Variants in RERE observed in about 807,000 individuals in gnomAD.
RERE encodes the protein arginine-glutamic acid dipeptide repeats protein.
Under a neutral mutation model 146.1 loss-of-function variants are expected in RERE, and 40 were observed. The observed-to-expected ratio is 0.27, with a 90% CI of 0.21 to 0.36. The LOEUF (loss-of-function observed/expected upper bound fraction) is 0.36. Among genes scored for constraint, RERE ranks in the 10% least tolerant of loss-of-function variants. The pLI is 1.00. For synonymous variants in RERE, 1,003 were observed against 866.0 expected (o/e 1.16, Z -2.78); for missense variants, 1,933 against 2,138.7 (o/e 0.90, Z 1.90).
intron 1 of RERE, among the ~76,000 whole-genome samples, chr1:8,700,635 G>A (rs532841128): frequency 1.2e-4 from 18 of 152,164 alleles, no homozygotes; most frequent in Non-Finnish European, 2.4e-4. Flanking sequence ...ACAATGTAAC[G>A]AGAGGTAAGA....
intron 10 of RERE, among the ~76,000 whole-genome samples, chr1:8,485,145 T>C (rs1644881915): frequency 6.6e-6 from 1 of 152,148 alleles, no homozygotes; most frequent in African/African-American, 2.4e-5. Context: ...GCAGATCACC[T>C]GATGTAGGGA....
chr1:8,627,680 G>A (rs1469287362), intron 2 of RERE, among the ~76,000 whole-genome samples: 1 of 151,200 alleles, frequency 6.6e-6, no homozygotes, highest in Non-Finnish European at 1.5e-5. Context: ...ACAAAGAAAA[G>A]CTTTATTTAT....
At chr1:8,651,949 G>A (rs1433238890) in intron 2 of RERE, among the ~76,000 whole-genome samples, 1 of 152,048 alleles carries the variant, frequency 6.6e-6, no homozygotes. Context: ...TCAAAGTGCT[G>A]GGATTACAGG....
intron 4 of RERE, among the ~76,000 whole-genome samples, chr1:8,596,129 G>A (rs968407811): frequency 2.0e-5 from 3 of 152,226 alleles, no homozygotes; most frequent in African/African-American, 7.2e-5. Context: ...GCTAAGTTGA[G>A]TAGTTGCCAT....
chr1:8,680,363 G>C (rs1423731915), intron 1 of RERE, among the ~76,000 whole-genome samples: 1 of 152,156 alleles, frequency 6.6e-6, no homozygotes, highest in African/African-American at 2.4e-5. Context: ...GCCAAAATGT[G>C]GGCAACTATT....
rs776221920 is a variant in RERE at position 8,541,327 on chromosome 1, AAG to A, written c.726-11_726-10del. The stretch of plus-strand genomic sequence containing the variant: ...AGATGTTACACTTCCCTCTGGGAAA[AAG>A]AGAAAAAAATAATTAGTAATACCCT... On this transcript the variant is annotated splice_polypyrimidine_tract_variant and intron_variant, in intron 6 of 22. Coordinates refer to ENST00000400908, the MANE Select transcript of RERE (RefSeq NM_001042681.2). The A allele has an allele frequency of 1.0e-5, 16 of 1,561,872 alleles. No individual in the cohort carries two copies. The Admixed American group carries it at 1.2e-4, about 12-fold the overall frequency.
At chr1:8,798,883 G>A (rs1641532884) in intron 1 of RERE, among the ~76,000 whole-genome samples, 1 of 151,736 alleles carries the variant, frequency 6.6e-6, no homozygotes, top group Non-Finnish European at 1.5e-5. Context: ...GTAGACATGG[G>A]GTTTCACCAT....
chr1:8,554,172 C>CA (rs1645975419), intron 6 of RERE, among the ~76,000 whole-genome samples: 1 of 152,126 alleles, frequency 6.6e-6, no homozygotes, highest in Non-Finnish European at 1.5e-5. Flanking sequence ...GGTGACAGAG[C>CA]AACACCCCGT....
chr1:8,546,784 G>A (rs1197395317), intron 6 of RERE, among the ~76,000 whole-genome samples: 1 of 151,338 alleles, frequency 6.6e-6, no homozygotes, highest in African/African-American at 2.4e-5. Context: ...GGAAGCAGAG[G>A]TTGCAGTGAG....
intron 7 of RERE, among the ~76,000 whole-genome samples, chr1:8,512,502 C>G (rs1570371017): frequency 1.3e-5 from 2 of 152,002 alleles, no homozygotes; most frequent in Non-Finnish European, 2.9e-5. Flanking sequence ...AATGTCTGAA[C>G]AGCACATATC....
intron 8 of RERE, among the ~76,000 whole-genome samples, chr1:8,503,137 T>C (rs1000596026): frequency 6.0e-5 from 9 of 148,842 alleles, no homozygotes; most frequent in Middle Eastern, 3.4e-3. Context: ...TAAAAAAGAA[T>C]TGATGAGTCA....
intron 1 of RERE, among the ~76,000 whole-genome samples, chr1:8,777,464 A>C (rs779209907): frequency 6.6e-6 from 1 of 152,056 alleles, no homozygotes; most frequent in African/African-American, 2.4e-5. Context: ...AATGAACATT[A>C]TATTTTCTAC....
At chr1:8,543,339 GAAGA>G (rs1263178993) in intron 6 of RERE, among the ~76,000 whole-genome samples, 1 of 152,120 alleles carries the variant, frequency 6.6e-6, no homozygotes, top group East Asian at 1.9e-4. Flanking sequence ...CCGAAAGCCA[GAAGA>G]AATAGGTTCC....
chr1:8,411,761 T>C (rs1203027533), intron 12 of RERE, among the ~76,000 whole-genome samples: 1 of 152,240 alleles, frequency 6.6e-6, no homozygotes. Flanking sequence ...TTTAGAAATT[T>C]ATTTAAAAGT....
At chr1:8,685,912 G>C (rs570141997) in intron 1 of RERE, among the ~76,000 whole-genome samples, 2 of 152,176 alleles carry the variant, frequency 1.3e-5, no homozygotes, top group South Asian at 4.1e-4. Flanking sequence ...TATATCTTCT[G>C]AGTGGAGATA....
intron 7 of RERE, among the ~76,000 whole-genome samples, chr1:8,515,648 A>C (rs1018552705): frequency 6.6e-6 from 1 of 151,946 alleles, no homozygotes; most frequent in African/African-American, 2.4e-5. Context: ...ACAAACAACA[A>C]CAACAACAAC....
At chr1:8,437,210 T>C (rs946226542) in intron 11 of RERE, among the ~76,000 whole-genome samples, 1 of 152,222 alleles carries the variant, frequency 6.6e-6, no homozygotes, top group Admixed American at 6.5e-5. Context: ...CGTCAGCTCC[T>C]GATACAGGAG....
chr1:8,522,207 G>A (rs1000426241), intron 7 of RERE, among the ~76,000 whole-genome samples: 7 of 152,194 alleles, frequency 4.6e-5, no homozygotes, highest in African/African-American at 1.7e-4. Flanking sequence ...CTAATTATCT[G>A]TGCTTATTTA....
Position 8,364,033 on chromosome 1 carries a change from C to G in RERE, c.1740+23G>C. 1 of 1,606,206 alleles carries G rather than the reference C, an allele frequency of 6.2e-7. No homozygotes were observed. Among genetic ancestry groups the G allele is most frequent in the Non-Finnish European group, 8.5e-7 (1 of 1,173,272 alleles). On this transcript the variant is annotated intron_variant, in intron 15 of 22. Coordinates refer to ENST00000400908, the MANE Select transcript of RERE (RefSeq NM_001042681.2). The surrounding 1 kb of genome is among the most constrained non-coding windows in gnomAD (Gnocchi z 5.1). Reference sequence around the variant, plus strand: ...AGGAAACTGAAGAAGTTGCCAGGAGCCCCATGGCCCCAGGGGACTCACCGA... The same window carrying G: ...AGGAAACTGAAGAAGTTGCCAGGAGGCCCATGGCCCCAGGGGACTCACCGA...
Sources: gnomAD v4.1 joint callset for allele counts (sites outside exome capture counted in the v4.1 genomes callset) on GRCh38, gnomAD v4.1.1 for gene constraint, Gnocchi (gnomAD v3.1) non-coding constraint, MANE v1.5 for transcripts, NCBI Gene and HGNC (gene_info 2026-07-23, HGNC 2026-07-21) for gene names.